Variants in OTUB1 observed in about 807,000 individuals in gnomAD.
The protein encoded by OTUB1 is OTU deubiquitinase, ubiquitin aldehyde binding 1.
In OTUB1, 10 loss-of-function variants were observed where a neutral mutation model predicts 35.8. That is an observed-to-expected ratio of 0.28 (90% CI 0.17 to 0.47). OTUB1 has a LOEUF of 0.47. Among genes scored for constraint, OTUB1 ranks in the 20% least tolerant of loss-of-function variants. The pLI is 0.99. For missense variants in OTUB1, 264 were observed against 351.6 expected, an observed-to-expected ratio of 0.75 and a Z score of 1.99; for synonymous variants, 158 against 143.8, an observed-to-expected ratio of 1.10 and a Z score of -0.71.
chr11:63,987,439 T>G (rs1490594365), intron 1 of OTUB1, among the ~76,000 whole-genome samples: 2 of 152,144 alleles, frequency 1.3e-5, no homozygotes, highest in African/African-American at 4.8e-5. Flanking sequence ...CTGCTCACAG[T>G]GGGGTCCATA....
Position 63,992,461 on chromosome 11 carries a change from C to CGGGGT in OTUB1, c.219+3713_219+3714insTGGGG, listed in dbSNP as rs1462530759. On this transcript the variant is annotated intron_variant, in intron 3 of 6. Coordinates refer to ENST00000538426, the MANE Select transcript of OTUB1 (RefSeq NM_017670.3). The stretch of plus-strand genomic sequence containing the variant: ...GTTGGGGCTGGGGAACTGAGCGGGG[C>CGGGGT]GGGGCGGGGTGGGGTGTTGTGGCGA... Among the ~76,000 whole-genome samples, 24 of 3,078 alleles carry CGGGGT rather than the reference C, an allele frequency of 7.8e-3. 1 individual carries two copies. The highest frequency in any genetic ancestry group is 0.017 in the Non-Finnish European group (22 of 1,322). 2.0% of individuals were successfully genotyped at this position (3,078 alleles called of 152,430 possible). A position where few individuals can be genotyped will look rare whatever the true frequency, so the allele number is the denominator to read the frequency against.
chr11:63,986,775 G>C, intron 1 of OTUB1: 1 of 466,342 alleles, frequency 2.1e-6, no homozygotes, highest in Non-Finnish European at 3.8e-6. Flanking sequence ...CGGGGCCTGG[G>C]TCGCTCCGCC....
chr11:63,988,198 C>T lies in OTUB1; in HGVS notation c.59-139C>T, dbSNP rs1175496861. ...GCTGAGGCAGGAGAATTGCTTGCATCTGGGACATCTGTAACATACCTGCTT... is the reference window on the plus strand; with the variant it reads ...GCTGAGGCAGGAGAATTGCTTGCATTTGGGACATCTGTAACATACCTGCTT... On this transcript the variant is annotated intron_variant, in intron 1 of 6. Transcript: ENST00000538426. 13 of 642,914 alleles carry T rather than the reference C, an allele frequency of 2.0e-5. No homozygotes were observed. In the Admixed American group the frequency reaches 3.2e-4, roughly 16 times the overall value. The allele number at this position is 642,914 out of a possible 1,614,324, so 39.8% of individuals were successfully genotyped here.
intron 3 of OTUB1, among the ~76,000 whole-genome samples, chr11:63,991,246 A>T (rs1413599027): frequency 1.3e-5 from 2 of 151,958 alleles, no homozygotes; most frequent in Non-Finnish European, 2.9e-5. Flanking sequence ...GTTGAAGGAG[A>T]TGTTACGGGC....
chr11:63,986,648 C>A, intron 1 of OTUB1, 134 bp downstream of exon 1: 1 of 678,426 alleles, frequency 1.5e-6, no homozygotes, highest in South Asian at 2.0e-5. Context: ...CCTCCACCTC[C>A]GCTGCCTCCC....
rs1387010295 is a variant in OTUB1, at chr11:63,997,767, A to C, written c.*221A>C. ...GCTCTGTCTGCTGCCCCCTCCCCCCAGGTGGGTCCCCCTGCTTTTCACCTA... is the reference window on the plus strand; with the variant it reads ...GCTCTGTCTGCTGCCCCCTCCCCCCCGGTGGGTCCCCCTGCTTTTCACCTA... On this transcript the variant is annotated 3_prime_UTR_variant, in exon 7 of 7. Coordinates refer to ENST00000538426, the MANE Select transcript of OTUB1 (RefSeq NM_017670.3). 4.3e-6 allele frequency: 3 copies of C among 699,810 alleles called. No homozygotes were observed. Among genetic ancestry groups the C allele is most frequent in the African/African-American group, 3.5e-5 (2 of 56,556 alleles). The allele number at this position is 699,810 out of a possible 1,614,324, so 43.4% of individuals were successfully genotyped here.
In OTUB1 at chr11:63,986,714, G is replaced by A. The variant is rs902708107; in HGVS notation, c.58+200G>A. Reference sequence around the variant, plus strand: ...GCGACCCCCGGCCGGGAGGGAGCACGGGCGAGGCGGGCCAAGGCCCGCGGC... The same window carrying A: ...GCGACCCCCGGCCGGGAGGGAGCACAGGCGAGGCGGGCCAAGGCCCGCGGC... On this transcript the variant is annotated intron_variant, in intron 1 of 6. Transcript: ENST00000538426. 8 of 553,108 alleles carry A rather than the reference G, an allele frequency of 1.4e-5. No homozygotes were observed. The Admixed American group carries it at 1.7e-4, about 12-fold the overall frequency. The allele number at this position is 553,108 out of a possible 1,614,324, so 34.3% of individuals were successfully genotyped here.
intron 3 of OTUB1, chr11:63,989,773 C>T (rs1366592031): frequency 6.7e-6 from 1 of 149,392 alleles, no homozygotes; most frequent in African/African-American, 2.5e-5. Flanking sequence ...CACTTGTAAT[C>T]CCAGCACTTT....
At chr11:63,988,466 C>T (rs1031775238) in intron 2 of OTUB1, 68 bp downstream of exon 2, 30 of 1,434,850 alleles carry the variant, frequency 2.1e-5, no homozygotes, top group Middle Eastern at 2.1e-4. Context: ...ATAGGCTGGG[C>T]ATGAGGCCTA....
chr11:63,996,281 A>G (rs1415892679), intron 3 of OTUB1, among the ~76,000 whole-genome samples: 1 of 152,180 alleles, frequency 6.6e-6, no homozygotes, highest in African/African-American at 2.4e-5. Flanking sequence ...GGCCCCGCAG[A>G]ACTTTAGTGA....
In OTUB1 at chr11:63,998,129, GC is replaced by G. The variant is rs2134313033; in HGVS notation, c.*586del. 2 of 312,412 alleles carry G rather than the reference GC, an allele frequency of 6.4e-6. No individual in the cohort carries two copies. The highest frequency in any genetic ancestry group is 7.0e-5 in the South Asian group (2 of 28,540). 19.4% of individuals were successfully genotyped at this position (312,412 alleles called of 1,614,324 possible). ...GGAGGAGCTGGGCCTCCCACAGGGT[GC>G]CCGGGCAGTGCCATCCTGGTGGGGG... On this transcript the variant is annotated 3_prime_UTR_variant, in exon 7 of 7. Transcript: ENST00000538426.
In OTUB1 at chr11:63,997,725, C is replaced by A; in HGVS notation, c.*179C>A. 1.4e-6 allele frequency: 1 copy of A among 709,568 alleles called. No individual in the cohort carries two copies. Among genetic ancestry groups the A allele is most frequent in the Non-Finnish European group, 2.6e-6 (1 of 391,654 alleles). The allele number at this position is 709,568 out of a possible 1,614,324, so 44.0% of individuals were successfully genotyped here. ...TGAGCCGTGTGTGCGTGTCCCTGCT[C>A]TGCTGCCCGCCTGGCTGCTCTGTCT... On this transcript the variant is annotated 3_prime_UTR_variant, in exon 7 of 7. Transcript: ENST00000538426.
At chr11:63,991,500 C>T (rs1942672530) in intron 3 of OTUB1, among the ~76,000 whole-genome samples, 2 of 152,208 alleles carry the variant, frequency 1.3e-5, no homozygotes, top group African/African-American at 2.4e-5. Flanking sequence ...CCCCAGCACC[C>T]GCATTCTGTA....
At chr11:63,988,490 C>T (rs917169479) in intron 2 of OTUB1, 92 bp downstream of exon 2, 53 of 1,384,174 alleles carry the variant, frequency 3.8e-5, no homozygotes, top group Non-Finnish European at 5.2e-5. Context: ...TCTGTCTCTA[C>T]TTTGGAAGCT....
At chr11:63,986,857 G>T in intron 1 of OTUB1, 2 of 278,384 alleles carry the variant, frequency 7.2e-6, no homozygotes, top group Non-Finnish European at 1.3e-5. Flanking sequence ...CAGTCAGGCA[G>T]AGAGGCCTAC....
chr11:63,987,618 T>C (rs1942633054), intron 1 of OTUB1, among the ~76,000 whole-genome samples: 1 of 152,236 alleles, frequency 6.6e-6, no homozygotes, highest in Non-Finnish European at 1.5e-5. Context: ...CAAACCTGGG[T>C]TTGACCGCAG....
intron 3 of OTUB1, among the ~76,000 whole-genome samples, chr11:63,991,568 C>G (rs746199682): frequency 1.3e-5 from 2 of 152,204 alleles, no homozygotes; most frequent in Non-Finnish European, 2.9e-5. Flanking sequence ...CAGCAGAGCC[C>G]AAGCAGAGAG....
chr11:63,996,420 TG>T, intron 3 of OTUB1, 109 bp from the exon 4 acceptor site: 1 of 1,211,316 alleles, frequency 8.3e-7, no homozygotes, highest in Non-Finnish European at 1.2e-6. Context: ...AGGTGGCTGC[TG>T]GGAGCTCAGT....
rs548762142 is a variant in OTUB1, at chr11:63,996,598, C to T, written c.288C>T (p.Phe96=). 14 of 1,614,214 alleles carry T rather than the reference C, an allele frequency of 8.7e-6. No individual in the cohort carries two copies. Among genetic ancestry groups the T allele is most frequent in the East Asian group, 4.5e-5 (2 of 44,882 alleles). The change falls in exon 4 of 7, where the codon TTC becomes TTT. Residue 96 remains phenylalanine, a synonymous_variant. Transcript: ENST00000538426. ...ACGGCAACTGTTTCTATCGGGCTTT[C>T]GGATTCTCCCACTTGGAGGCACTGC... ...RPDGNCFYRA[F]GFSHLEALLD... is the part of the protein sequence containing the mutation.
Sources: gnomAD v4.1 joint callset for allele counts (sites outside exome capture counted in the v4.1 genomes callset) on GRCh38, gnomAD v4.1.1 for gene constraint, MANE v1.5 for transcripts, NCBI Gene and HGNC (gene_info 2026-07-23, HGNC 2026-07-21) for gene names.